The following FRMD4B variants were observed in gnomAD, a reference collection of about 807,000 sequenced individuals.
The protein encoded by FRMD4B is FERM domain containing 4B, also known as FERM domain-containing protein 4B.
FRMD4B carries 74 observed loss-of-function variants against 141.5 expected under a neutral mutation model. The observed-to-expected ratio is 0.52, with a 90% CI of 0.43 to 0.63. FRMD4B has a LOEUF of 0.63. Among genes scored for constraint, FRMD4B ranks in the 30% least tolerant of loss-of-function variants. FRMD4B has a pLI of 0.00. For missense variants in FRMD4B, 1,366 were observed against 1,253.4 expected, an observed-to-expected ratio of 1.09 and a Z score of -1.36; for synonymous variants, 506 against 467.9, an observed-to-expected ratio of 1.08 and a Z score of -1.05.
Position 69,453,452 on chromosome 3 carries a change from T to C in FRMD4B, c.-128-20691A>G, listed in dbSNP as rs767892545. 3.3e-4 allele frequency among the ~76,000 whole-genome samples: 50 copies of C among 152,204 alleles called. 1 individual carries two copies. Among genetic ancestry groups the C allele is most frequent in the Non-Finnish European group, 1.8e-4 (12 of 68,030 alleles). ...CGGGCACCTGGAAAGCACATGTATGTAAAAGCAGATTTCTTGGCTGCATAA... is the reference window on the plus strand; with the variant it reads ...CGGGCACCTGGAAAGCACATGTATGCAAAAGCAGATTTCTTGGCTGCATAA... On this transcript the variant is annotated intron_variant, in intron 1 of 5. Coordinates refer to the FRMD4B transcript ENST00000459638.
At chr3:69,391,097 G>C (rs1160820071) in intron 2 of FRMD4B, among the ~76,000 whole-genome samples, 1 of 151,796 alleles carries the variant, frequency 6.6e-6, no homozygotes, top group Non-Finnish European at 1.5e-5. Flanking sequence ...AAAGTCTTTT[G>C]AGAAATAACC....
At chr3:69,492,754 T>G (rs185519101) in intron 1 of FRMD4B, among the ~76,000 whole-genome samples, 73 of 152,360 alleles carry the variant, frequency 4.8e-4, no homozygotes, top group African/African-American at 1.7e-3. Flanking sequence ...TGACAAACTC[T>G]AATGCTTGGC....
At chr3:69,471,723 G>A (rs999114275) in intron 1 of FRMD4B, 6 of 160,144 alleles carry the variant, frequency 3.7e-5, no homozygotes, top group Non-Finnish European at 5.7e-5. Context: ...GGTTGAGAAC[G>A]GGCTTGAGTA....
intron 3 of FRMD4B, chr3:69,310,490 G>C (rs898553257): frequency 2.2e-6 from 1 of 455,702 alleles, no homozygotes; most frequent in Admixed American, 2.4e-5. Context: ...ATAATGTATC[G>C]GGCTGCATAA....
intron 1 of FRMD4B, among the ~76,000 whole-genome samples, chr3:69,445,328 GTCTT>G (rs1234638011): frequency 6.6e-6 from 1 of 152,210 alleles, no homozygotes; most frequent in Non-Finnish European, 1.5e-5. Context: ...TGCTATTCCA[GTCTT>G]CGGAGCAATT....
In FRMD4B at chr3:69,193,720, T is replaced by A; in HGVS notation, c.1642A>T (p.Ile548Phe). Reference protein sequence around the residue: ...YTDAMKKLQEIENAINEYRIR... With the variant: ...YTDAMKKLQEFENAINEYRIR... ...CGGTATTCGTTTATTGCATTTTCAATCTCCTGAAGCTTTTTCATCGCATCT... is the reference window on the plus strand; with the variant it reads ...CGGTATTCGTTTATTGCATTTTCAAACTCCTGAAGCTTTTTCATCGCATCT... Residue 548 changes from isoleucine to phenylalanine, a missense_variant, in exon 17 of 23, where the codon ATT becomes TTT. Transcript: ENST00000398540. The A allele has an allele frequency of 6.2e-7, 1 of 1,613,866 alleles. No individual in the cohort carries two copies. Among genetic ancestry groups the A allele is most frequent in the Non-Finnish European group, 8.5e-7 (1 of 1,179,754 alleles).
At chr3:69,498,462 G>C (rs1388932582) in intron 1 of FRMD4B, among the ~76,000 whole-genome samples, 2 of 152,192 alleles carry the variant, frequency 1.3e-5, no homozygotes, top group Admixed American at 6.5e-5. Flanking sequence ...GAGACAGAAA[G>C]AGAAATCTCA....
chr3:69,402,735 A>G (rs1704586435), intron 2 of FRMD4B, among the ~76,000 whole-genome samples: 2 of 152,228 alleles, frequency 1.3e-5, no homozygotes, highest in Admixed American at 6.5e-5. Flanking sequence ...CAGATTATAG[A>G]CAGTATGACA....
At chr3:69,340,185 T>C (rs563611846) in intron 1 of FRMD4B, among the ~76,000 whole-genome samples, 3 of 152,050 alleles carry the variant, frequency 2.0e-5, no homozygotes, top group Admixed American at 6.6e-5. Context: ...ACTTTTAGGC[T>C]CAGGGGTACA....
chr3:69,204,895 C>G (rs1397493528), intron 11 of FRMD4B, among the ~76,000 whole-genome samples: 1 of 151,962 alleles, frequency 6.6e-6, no homozygotes, highest in Non-Finnish European at 1.5e-5. Context: ...AACTGAGGCT[C>G]AGAGAGGTTA....
At chr3:69,316,105 G>C (rs905293098) in intron 1 of FRMD4B, among the ~76,000 whole-genome samples, 1 of 152,138 alleles carries the variant, frequency 6.6e-6, no homozygotes, top group Admixed American at 6.5e-5. Flanking sequence ...TTATAGTTTT[G>C]ATCGAACTCT....
At chr3:69,234,272 A>G (rs2093330295) in intron 7 of FRMD4B, among the ~76,000 whole-genome samples, 1 of 151,946 alleles carries the variant, frequency 6.6e-6, no homozygotes, top group Non-Finnish European at 1.5e-5. Context: ...AGTGTATTAA[A>G]TGTCTGTTAC....
chr3:69,468,238 C>T (rs75017485), intron 1 of FRMD4B, among the ~76,000 whole-genome samples: 3 of 150,072 alleles, frequency 2.0e-5, no homozygotes, highest in Non-Finnish European at 4.4e-5. Flanking sequence ...CATGAACTCC[C>T]AACAATCATC....
intron 7 of FRMD4B, among the ~76,000 whole-genome samples, chr3:69,232,701 G>A (rs2093316815): frequency 6.6e-6 from 1 of 152,194 alleles, no homozygotes; most frequent in Middle Eastern, 3.4e-3. Flanking sequence ...GGCTAATTGT[G>A]GGCTTGTACA....
chr3:69,433,956 A>AAG (rs1307937044), intron 1 of FRMD4B, among the ~76,000 whole-genome samples: 1 of 152,148 alleles, frequency 6.6e-6, no homozygotes, highest in Non-Finnish European at 1.5e-5. Context: ...GAGGTACAGA[A>AAG]AGAGAGAGAG....
At chr3:69,394,441 C>T (rs964434808) in intron 2 of FRMD4B, among the ~76,000 whole-genome samples, 2 of 152,190 alleles carry the variant, frequency 1.3e-5, no homozygotes, top group Non-Finnish European at 2.9e-5. Flanking sequence ...AGGAACTTAA[C>T]ATGACAAAAA....
intron 7 of FRMD4B, among the ~76,000 whole-genome samples, chr3:69,226,425 CT>C (rs5849885): frequency 0.77 from 112,020 of 145,302 alleles, 43,076 homozygotes; most frequent in East Asian, 0.93. Flanking sequence ...ACCACATTTA[CT>C]TTTTTTTTTT....
intron 7 of FRMD4B, among the ~76,000 whole-genome samples, chr3:69,234,979 C>T (rs1009903798): frequency 6.6e-6 from 1 of 151,250 alleles, no homozygotes; most frequent in Non-Finnish European, 1.5e-5. Flanking sequence ...TGGAACCCCA[C>T]CTCTACTAAA....
intron 1 of FRMD4B, among the ~76,000 whole-genome samples, chr3:69,373,790 T>C (rs1703895451): frequency 6.6e-6 from 1 of 152,150 alleles, no homozygotes; most frequent in African/African-American, 2.4e-5. Flanking sequence ...AGAGGATCAC[T>C]TGAACCCAGA....
Sources: allele counts gnomAD v4.1 joint callset (sites outside exome capture counted in the v4.1 genomes callset), GRCh38; gene constraint gnomAD v4.1.1; transcripts MANE v1.5; gene names NCBI Gene and HGNC (gene_info 2026-07-23, HGNC 2026-07-21).